Variants in PLGRKT observed in about 807,000 individuals in gnomAD.
The protein encoded by PLGRKT is plasminogen receptor (KT).
Under a neutral mutation model 18.5 loss-of-function variants are expected in PLGRKT, and 22 were observed. The ratio of observed to expected loss-of-function variants is 1.19; its 90% CI spans 0.85 to 1.70. PLGRKT has a LOEUF of 1.70. PLGRKT is among the 40% of genes most tolerant of loss of function. The pLI is 0.00. For synonymous variants in PLGRKT, 72 were observed against 52.8 expected, an observed-to-expected ratio of 1.36 and a Z score of -1.58; for missense variants, 235 against 174.4, an observed-to-expected ratio of 1.35 and a Z score of -1.96.
At chr9:5,431,825 A>G (rs968012784) in intron 3 of PLGRKT, 72 bp downstream of exon 3, 3 of 735,104 alleles carry the variant, frequency 4.1e-6, no homozygotes, top group Admixed American at 2.2e-5. Flanking sequence ...AAGAGAATGT[A>G]CGGCTGGAGT....
At chr9:5,395,129 G>C (rs1045743514) in intron 3 of PLGRKT, among the ~76,000 whole-genome samples, 1 of 150,378 alleles carries the variant, frequency 6.6e-6, no homozygotes, top group African/African-American at 2.5e-5. Flanking sequence ...CTTAATGAAA[G>C]ATTATCTTCA....
At chr9:5,358,423 C>T in intron 5 of PLGRKT, 63 bp from the exon 6 acceptor site, 1 of 1,481,082 alleles carries the variant, frequency 6.8e-7, no homozygotes, top group Non-Finnish European at 9.4e-7. Context: ...GTGACAAAGC[C>T]TGATTGCTAT....
At chr9:5,359,469 G>A (rs1192722529) in intron 5 of PLGRKT, among the ~76,000 whole-genome samples, 4 of 152,058 alleles carry the variant, frequency 2.6e-5, no homozygotes, top group Admixed American at 1.3e-4. Flanking sequence ...GTCTCAAATA[G>A]CAAGTAAAAT....
rs113253741 is a variant in PLGRKT at position 5,404,879 on chromosome 9, C to G, written c.81+27018G>C. On this transcript the variant is annotated intron_variant, in intron 3 of 5. Coordinates refer to ENST00000223864, the MANE Select transcript of PLGRKT (RefSeq NM_018465.4). ...GACATGACCCTTTACCTAGAAAACCCCATTGACTCAGCCCAAAAGCTTCTT... is the reference window on the plus strand; with the variant it reads ...GACATGACCCTTTACCTAGAAAACCGCATTGACTCAGCCCAAAAGCTTCTT... Among the ~76,000 whole-genome samples, 479 of 152,238 alleles carry G rather than the reference C, an allele frequency of 3.1e-3. 4 individuals carry two copies. The highest frequency in any genetic ancestry group is 0.011 in the African/African-American group (449 of 41,550).
intron 3 of PLGRKT, among the ~76,000 whole-genome samples, chr9:5,428,361 T>G (rs184220976): frequency 1.2e-4 from 19 of 152,192 alleles, no homozygotes; most frequent in Admixed American, 9.8e-4. Flanking sequence ...GACTCAAAAT[T>G]TTATGGCTCT....
At chr9:5,428,276 C>A (rs954372323) in intron 3 of PLGRKT, among the ~76,000 whole-genome samples, 1 of 152,156 alleles carries the variant, frequency 6.6e-6, no homozygotes, top group Non-Finnish European at 1.5e-5. Flanking sequence ...CCCTCCAGTC[C>A]CCAATCCTCC....
chr9:5,424,652 A>ATTAGT (rs61342920), intron 3 of PLGRKT, among the ~76,000 whole-genome samples: 1 of 126,316 alleles, frequency 7.9e-6, no homozygotes, highest in Non-Finnish European at 1.6e-5. Context: ...CATTATATAT[A>ATTAGT]ATATAATTAT....
chr9:5,432,361 T>G (rs1482777580), intron 2 of PLGRKT, among the ~76,000 whole-genome samples: 1 of 152,252 alleles, frequency 6.6e-6, no homozygotes, highest in African/African-American at 2.4e-5. Context: ...ATCCATCTTC[T>G]TACCTCTGTA....
intron 3 of PLGRKT, among the ~76,000 whole-genome samples, chr9:5,404,042 T>C (rs899573138): frequency 2.6e-4 from 39 of 152,190 alleles, no homozygotes; most frequent in Non-Finnish European, 4.9e-4. Flanking sequence ...AATGGGTACA[T>C]TCCTGGACAC....
At chr9:5,401,431 G>C (rs1818152386) in intron 3 of PLGRKT, among the ~76,000 whole-genome samples, 1 of 151,866 alleles carries the variant, frequency 6.6e-6, no homozygotes, top group South Asian at 2.1e-4. Context: ...AAACAAGAAA[G>C]TTAATAAAGC....
upstream of PLGRKT, chr9:5,437,964 G>C (rs891843010): frequency 6.6e-6 from 1 of 152,284 alleles, no homozygotes; most frequent in Non-Finnish European, 1.5e-5. Context: ...TAAAGAGCCG[G>C]CACTTCCGCC....
chr9:5,413,463 G>A lies in PLGRKT; in HGVS notation c.81+18434C>T, dbSNP rs115611047. On this transcript the variant is annotated intron_variant, in intron 3 of 5. Coordinates refer to ENST00000223864, the MANE Select transcript of PLGRKT (RefSeq NM_018465.4). ...AAAGAAGAGTATCCTGTATTATCCA[G>A]GCCCAGTGTAATCACAAGGGTCCTA... Among the ~76,000 whole-genome samples, 234 of 152,252 alleles carry A rather than the reference G, an allele frequency of 1.5e-3. 2 individuals are homozygous for A. Among genetic ancestry groups the A allele is most frequent in the African/African-American group, 5.2e-3 (214 of 41,538 alleles).
chr9:5,372,201 G>A (rs1350283839), intron 3 of PLGRKT, among the ~76,000 whole-genome samples: 2 of 151,736 alleles, frequency 1.3e-5, no homozygotes, highest in Non-Finnish European at 2.9e-5. Flanking sequence ...GGATAGTCTC[G>A]ATCTCTTGAC....
At chr9:5,396,892 T>C (rs1318779859) in intron 3 of PLGRKT, among the ~76,000 whole-genome samples, 1 of 151,950 alleles carries the variant, frequency 6.6e-6, no homozygotes, top group Non-Finnish European at 1.5e-5. Flanking sequence ...AAGCACTTCA[T>C]TTTCAGTGAG....
chr9:5,387,232 C>T lies in PLGRKT; in HGVS notation c.82-25344G>A, dbSNP rs569247224. Among the ~76,000 whole-genome samples, 24 of 151,794 alleles carry T rather than the reference C, an allele frequency of 1.6e-4. No individual in the cohort carries two copies. In the South Asian group the frequency reaches 3.3e-3, roughly 21 times the overall value. ...TTTGCCAGAACTCTAGCTTTTACTCCGAAAAAGATGGAATGCTGCTGGAGG... is the reference window on the plus strand; with the variant it reads ...TTTGCCAGAACTCTAGCTTTTACTCTGAAAAAGATGGAATGCTGCTGGAGG... On this transcript the variant is annotated intron_variant, in intron 3 of 5. Coordinates refer to ENST00000223864, the MANE Select transcript of PLGRKT (RefSeq NM_018465.4).
chr9:5,376,650 T>C (rs1053745697), intron 3 of PLGRKT, among the ~76,000 whole-genome samples: 1 of 152,190 alleles, frequency 6.6e-6, no homozygotes, highest in African/African-American at 2.4e-5. Context: ...AACATCATCA[T>C]CATCATCATC....
chr9:5,370,244 A>T (rs1817487938), intron 3 of PLGRKT, among the ~76,000 whole-genome samples: 1 of 152,222 alleles, frequency 6.6e-6, no homozygotes, highest in African/African-American at 2.4e-5. Flanking sequence ...TATTAAGAAC[A>T]GCCACAAAAT....
At chr9:5,414,622 C>G (rs552116587) in intron 3 of PLGRKT, among the ~76,000 whole-genome samples, 1 of 152,262 alleles carries the variant, frequency 6.6e-6, no homozygotes, top group Non-Finnish European at 1.5e-5. Context: ...ACTGAAGGAG[C>G]CGGGAGAAAC....
chr9:5,419,701 G>A lies in PLGRKT; in HGVS notation c.81+12196C>T, dbSNP rs375400967. ...CTACCAGATGACTAGAATTTGGGGG[G>A]AAAAAAAAAGAGAGAGAGAAAATAA... On this transcript the variant is annotated intron_variant, in intron 3 of 5. Transcript: ENST00000223864. Among the ~76,000 whole-genome samples, 196 of 150,188 alleles carry A rather than the reference G, an allele frequency of 1.3e-3. 1 individual carries two copies. The highest frequency in any genetic ancestry group is 6.9e-3 in the Middle Eastern group (2 of 290).
Sources: allele counts gnomAD v4.1 joint callset (sites outside exome capture counted in the v4.1 genomes callset), GRCh38; gene constraint gnomAD v4.1.1; transcripts MANE v1.5; gene names NCBI Gene and HGNC (gene_info 2026-07-23, HGNC 2026-07-21).